The following NAP1L4 variants were observed in gnomAD, a reference collection of about 807,000 sequenced individuals.
NAP1L4 encodes nucleosome assembly protein 1 like 4.
Under a neutral mutation model 58.2 loss-of-function variants are expected in NAP1L4, and 15 were observed. The observed-to-expected ratio is 0.26, with a 90% CI of 0.17 to 0.40. The LOEUF (loss-of-function observed/expected upper bound fraction) is 0.40. Ranked by LOEUF, NAP1L4 falls within the 10% of genes least tolerant of loss-of-function variation. The pLI is 1.00. For missense variants in NAP1L4, 384 were observed against 451.1 expected (o/e 0.85, Z 1.35); for synonymous variants, 171 against 155.6 (o/e 1.10, Z -0.74).
At chr11:2,982,008 G>A (rs1212241384) in intron 1 of NAP1L4, among the ~76,000 whole-genome samples, 1 of 152,318 alleles carries the variant, frequency 6.6e-6, no homozygotes, top group East Asian at 1.9e-4. Context: ...AATGCAAGGT[G>A]TGAGACAGTC....
chr11:2,967,592 C>CA (rs1847361651), intron 7 of NAP1L4, among the ~76,000 whole-genome samples: 1 of 131,802 alleles, frequency 7.6e-6, no homozygotes, highest in African/African-American at 3.0e-5. Context: ...GCCTGGGCGA[C>CA]AGAGCGAGAC....
intron 10 of NAP1L4, among the ~76,000 whole-genome samples, chr11:2,956,707 AT>A (rs1392682822): frequency 6.6e-6 from 1 of 152,218 alleles, no homozygotes; most frequent in African/African-American, 2.4e-5. Flanking sequence ...CTGGAGCAGC[AT>A]GCTCCCCAGG....
intron 1 of NAP1L4, among the ~76,000 whole-genome samples, chr11:2,988,339 T>G (rs2134030496): frequency 6.6e-6 from 1 of 152,342 alleles, no homozygotes; most frequent in African/African-American, 2.4e-5. Context: ...CACTTCCCTC[T>G]CTACCTATTT....
rs2071117 is a variant in NAP1L4, at chr11:2,951,929, G to A, written c.1036-120C>T. The A allele has an allele frequency of 0.22, 203,972 of 939,068 alleles. 24,107 individuals carry two copies. The highest frequency in any genetic ancestry group is 0.33 in the South Asian group (24,545 of 73,588). The allele number at this position is 939,068 out of a possible 1,614,324, so 58.2% of individuals were successfully genotyped here. A position where few individuals can be genotyped will look rare whatever the true frequency, so the allele number is the denominator to read the frequency against. ...TAAGAGGAGCAGAAAGTCCAGCCAC[G>A]CTGCCTGCTGGGCCTCGCTTGCCTG... On this transcript the variant is annotated intron_variant, in intron 12 of 15. Coordinates refer to ENST00000380542, the MANE Select transcript of NAP1L4 (RefSeq NM_005969.4). This position sits in a 1 kb window ranked among gnomAD's most constrained non-coding sequence, Gnocchi z 4.0.
At position 2,954,049 on chromosome 11, in the gene NAP1L4, CTTG is replaced by C. The variant is rs1362064684; in HGVS notation, c.1035+475_1035+477del. The stretch of plus-strand genomic sequence containing the variant: ...CCCAGAAAGGAAAGTGACATGCAAT[CTTG>C]TTGTTTTCTTCGGGAGCACGGGTTT... On this transcript the variant is annotated intron_variant, in intron 12 of 15. Coordinates refer to ENST00000380542, the MANE Select transcript of NAP1L4 (RefSeq NM_005969.4). The surrounding 1 kb of genome is among the most constrained non-coding windows in gnomAD (Gnocchi z 4.8). Among the ~76,000 whole-genome samples the C allele has an allele frequency of 1.4e-4, 21 of 152,302 alleles. No homozygotes were observed. The highest frequency in any genetic ancestry group is 6.5e-5 in the Admixed American group (1 of 15,304).
intron 1 of NAP1L4, among the ~76,000 whole-genome samples, chr11:2,987,756 C>CAAAAAA (rs57754393): frequency 1.1e-4 from 8 of 70,454 alleles, no homozygotes; most frequent in Middle Eastern, 6.8e-3. Context: ...GACTCCACCT[C>CAAAAAA]AAAAAAAAAA....
In NAP1L4 at chr11:2,973,775, CATTCATTT is replaced by C. The variant is rs564626180; in HGVS notation, c.174-1540_174-1533del. Among the ~76,000 whole-genome samples the C allele has an allele frequency of 1.4e-4, 22 of 152,276 alleles. No homozygotes were observed. In the East Asian group the frequency reaches 3.9e-3, roughly 27 times the overall value. ...CCCTTTTCTGCACTGGTCATTCATT[CATTCATTT>C]ATTGTGACAGGATCTCACTCTGTTG... is the stretch of plus-strand genomic sequence containing the variant. On this transcript the variant is annotated intron_variant, in intron 4 of 15. Transcript: ENST00000380542.
rs1472630590 is a variant in NAP1L4, at chr11:2,954,551, C to T, written c.1011G>A (p.Gly337=). The change falls in exon 12 of 16, where the codon GGG becomes GGA. Residue 337 remains glycine (G), a synonymous_variant. Coordinates refer to ENST00000380542, the MANE Select transcript of NAP1L4 (RefSeq NM_005969.4). This position sits in a 1 kb window ranked among gnomAD's most constrained non-coding sequence, Gnocchi z 4.8. ...IVPRAVLYFT[G]EAIEDDDNFE... ...CATTGTCATCATCTTCTATGGCCTCCCCAGTGAAGTACAGCACAGCCCGCG... is the reference window on the plus strand; with the variant it reads ...CATTGTCATCATCTTCTATGGCCTCTCCAGTGAAGTACAGCACAGCCCGCG... 1 of 1,614,224 alleles carries T rather than the reference C, an allele frequency of 6.2e-7. No homozygotes were observed. The highest frequency in any genetic ancestry group is 2.2e-5 in the East Asian group (1 of 44,888).
At chr11:2,981,003 CA>C (rs1204066508) in intron 1 of NAP1L4, among the ~76,000 whole-genome samples, 1 of 151,762 alleles carries the variant, frequency 6.6e-6, no homozygotes, top group Non-Finnish European at 1.5e-5. Flanking sequence ...CCAAAGTGGG[CA>C]GATTAGTTGA....
At chr11:2,983,377 A>G (rs1310473857) in intron 1 of NAP1L4, among the ~76,000 whole-genome samples, 1 of 152,154 alleles carries the variant, frequency 6.6e-6, no homozygotes, top group African/African-American at 2.4e-5. Context: ...AGAGACACAC[A>G]GTCTCACTCT....
intron 8 of NAP1L4, among the ~76,000 whole-genome samples, chr11:2,960,666 G>A (rs7948848): frequency 0.39 from 59,635 of 152,000 alleles, 12,360 homozygotes; most frequent in East Asian, 0.68. Context: ...ATGTACTGTC[G>A]ACAGATTTTA....
chr11:2,952,126 A>C (rs529827497), intron 12 of NAP1L4: 1 of 419,590 alleles, frequency 2.4e-6, no homozygotes, highest in South Asian at 4.1e-5. Context: ...GAGCAGGCAC[A>C]CAGGAAAAGA....
Position 2,979,211 on chromosome 11 carries a change from G to C in NAP1L4, c.10C>G (p.His4Asp). 2 of 1,611,090 alleles carry C rather than the reference G, an allele frequency of 1.2e-6. No homozygotes were observed. Among genetic ancestry groups the C allele is most frequent in the Non-Finnish European group, 1.7e-6 (2 of 1,178,612 alleles). ...ACAAAGTCCACTTTGGCTTACCTGT[G>C]ATCTGCCATCTGAATGTTTTTATCC... is the stretch of plus-strand genomic sequence containing the variant. MAD[H>D]SFSDGVPSDS... The change falls in exon 2 of 16, where the codon CAC becomes GAC. Residue 4 changes from histidine to aspartate, a missense_variant. His to Asp is a moderately conservative substitution (Grantham distance 81, BLOSUM62 -1). Transcript: ENST00000380542.
rs1214527516 is a variant in NAP1L4 at position 2,951,537 on chromosome 11, T to G, written c.1066-222A>C. On this transcript the variant is annotated intron_variant, in intron 13 of 15. Transcript: ENST00000380542. The surrounding 1 kb of genome is among the most constrained non-coding windows in gnomAD (Gnocchi z 4.0). ...AAACAAAATTCTGAAAAAGTAGATT[T>G]TGTTAAATGATTATTTTCTAAGATA... 6.6e-6 allele frequency among the ~76,000 whole-genome samples: 1 copy of G among 152,252 alleles called. No individual in the cohort carries two copies. The highest frequency in any genetic ancestry group is 1.5e-5 in the Non-Finnish European group (1 of 68,046).
chr11:2,976,296 T>G (rs1048361643), intron 3 of NAP1L4, among the ~76,000 whole-genome samples, 173 bp from the exon 4 acceptor site: 1 of 152,214 alleles, frequency 6.6e-6, no homozygotes, highest in Admixed American at 6.5e-5. Flanking sequence ...AAAATTTATT[T>G]TAAGAGCATT....
Position 2,951,887 on chromosome 11 carries a change from G to A in NAP1L4, c.1036-78C>T. ...GCCCAAGACACCAGTCCCATCAAGT[G>A]ACTCACTGACCAAGCCTAAGAGGAG... On this transcript the variant is annotated intron_variant, in intron 12 of 15. Transcript: ENST00000380542. The surrounding 1 kb of genome is among the most constrained non-coding windows in gnomAD (Gnocchi z 4.0). 6 of 1,389,330 alleles carry A rather than the reference G, an allele frequency of 4.3e-6. No homozygotes were observed. The highest frequency in any genetic ancestry group is 2.4e-5 in the South Asian group (2 of 84,956). The allele number at this position is 1,389,330 out of a possible 1,614,324, so 86.1% of individuals were successfully genotyped here.
At chr11:2,960,653 C>A (rs1590230608) in intron 8 of NAP1L4, among the ~76,000 whole-genome samples, 1 of 152,186 alleles carries the variant, frequency 6.6e-6, no homozygotes, top group South Asian at 2.1e-4. Context: ...ACTGAGCACA[C>A]TCATGTACTG....
intron 1 of NAP1L4, among the ~76,000 whole-genome samples, chr11:2,982,192 G>A (rs1213348414): frequency 1.3e-5 from 2 of 152,146 alleles, no homozygotes; most frequent in African/African-American, 4.8e-5. Flanking sequence ...GGCAATAGCA[G>A]GACCGCTACA....
At chr11:2,962,422 T>C (rs1437718140) in intron 8 of NAP1L4, among the ~76,000 whole-genome samples, 1 of 152,240 alleles carries the variant, frequency 6.6e-6, no homozygotes, top group East Asian at 1.9e-4. Flanking sequence ...TGTATCCAGG[T>C]AGGCAAGCGC....
Sources: gnomAD v4.1 joint callset for allele counts (sites outside exome capture counted in the v4.1 genomes callset) on GRCh38, gnomAD v4.1.1 for gene constraint, Gnocchi (gnomAD v3.1) non-coding constraint, MANE v1.5 for transcripts, NCBI Gene and HGNC (gene_info 2026-07-23, HGNC 2026-07-21) for gene names.